Variants in CNKSR2 observed in about 807,000 individuals in gnomAD.
The protein encoded by CNKSR2 is CNK homolog protein 2.
In CNKSR2, 14 loss-of-function variants were observed where a neutral mutation model predicts 84.4. The ratio of observed to expected loss-of-function variants is 0.17; its 90% CI spans 0.11 to 0.26. CNKSR2 has a LOEUF of 0.26. CNKSR2 is among the 10% of genes least tolerant of loss of function. The pLI is 1.00. For missense variants in CNKSR2, 485 were observed against 771.2 expected, an observed-to-expected ratio of 0.63 and a Z score of 4.40; for synonymous variants, 275 against 277.9, an observed-to-expected ratio of 0.99 and a Z score of 0.10.
At chrX:21,618,469 C>G (rs1049019358) in intron 20 of CNKSR2, among the ~76,000 whole-genome samples, 1 of 111,926 alleles carries the variant, frequency 8.9e-6, no homozygotes, top group African/African-American at 3.2e-5. Flanking sequence ...TACTTGAAAA[C>G]TTAGAGCAGC....
chrX:21,632,397 T>A (rs2147322264), intron 20 of CNKSR2, among the ~76,000 whole-genome samples: 1 of 111,951 alleles, frequency 8.9e-6, no homozygotes, highest in Non-Finnish European at 1.9e-5. Context: ...AGGCCTTTTT[T>A]AAAGTATATT....
At chrX:21,646,303 T>A (rs1197136645) in intron 20 of CNKSR2, among the ~76,000 whole-genome samples, 2 of 112,055 alleles carry the variant, frequency 1.8e-5, no homozygotes, top group Non-Finnish European at 3.8e-5. Flanking sequence ...AACCAGATTC[T>A]TTGTAGAATT....
intron 10 of CNKSR2, among the ~76,000 whole-genome samples, chrX:21,528,621 A>G (rs2091857436): frequency 9.0e-6 from 1 of 111,183 alleles, no homozygotes; most frequent in South Asian, 3.7e-4. Context: ...TGAAGATGCT[A>G]TTTAAAAATA....
At chrX:21,509,407 T>C (rs955524805) in intron 8 of CNKSR2, among the ~76,000 whole-genome samples, 1 of 112,038 alleles carries the variant, frequency 8.9e-6, no homozygotes, top group Non-Finnish European at 1.9e-5. Context: ...TTTCAAATGT[T>C]TGTTCCTTTT....
intron 4 of CNKSR2, among the ~76,000 whole-genome samples, chrX:21,450,696 C>G (rs958432041): frequency 9.0e-6 from 1 of 111,268 alleles, no homozygotes; most frequent in Non-Finnish European, 1.9e-5. Context: ...AAAATGCCTC[C>G]CATTGCTTAG....
intron 20 of CNKSR2, among the ~76,000 whole-genome samples, chrX:21,618,289 G>A (rs571935531): frequency 4.5e-5 from 5 of 111,129 alleles, no homozygotes; most frequent in African/African-American, 1.3e-4. Flanking sequence ...CGTGCCGTAG[G>A]TACATCTTGG....
intron 8 of CNKSR2, among the ~76,000 whole-genome samples, chrX:21,507,729 A>G (rs888432980): frequency 9.0e-6 from 1 of 111,675 alleles, no homozygotes; most frequent in Non-Finnish European, 1.9e-5. Context: ...TACTTTTTGA[A>G]TACTAGGGTT....
intron 9 of CNKSR2, among the ~76,000 whole-genome samples, chrX:21,517,980 A>C (rs968719765): frequency 2.7e-5 from 3 of 112,243 alleles, no homozygotes; most frequent in African/African-American, 9.7e-5. Flanking sequence ...ACTTAATATA[A>C]AAACACATAT....
At chrX:21,608,714 G>C (rs1488267678) in intron 19 of CNKSR2, among the ~76,000 whole-genome samples, 1 of 111,835 alleles carries the variant, frequency 8.9e-6, no homozygotes, top group Non-Finnish European at 1.9e-5. Flanking sequence ...TGAATCCAGG[G>C]ACAATACTTC....
intron 11 of CNKSR2, chrX:21,538,956 TTC>T (rs1298399474): frequency 2.7e-5 from 3 of 112,069 alleles, no homozygotes; most frequent in Non-Finnish European, 5.6e-5. Context: ...AGGGTGGGTC[TTC>T]TTCTCCCAGT....
chrX:21,490,350 C>G, intron 5 of CNKSR2, 109 bp from the exon 6 acceptor site: 1 of 778,831 alleles, frequency 1.3e-6, no homozygotes, highest in South Asian at 3.1e-5. Context: ...ATGCCAGTTA[C>G]TTTCTTCTAC....
intron 13 of CNKSR2, among the ~76,000 whole-genome samples, chrX:21,582,274 T>C (rs1048910614): frequency 2.7e-5 from 3 of 112,182 alleles, no homozygotes; most frequent in Admixed American, 1.9e-4. Context: ...AAATTAGAGA[T>C]TGATGAGATG....
At chrX:21,539,703 G>A in intron 11 of CNKSR2, among the ~76,000 whole-genome samples, 1 of 111,235 alleles carries the variant, frequency 9.0e-6, no homozygotes, top group South Asian at 3.7e-4. Flanking sequence ...ATTGGGTAGG[G>A]TGCTTTGTTT....
chrX:21,437,542 C>A (rs1451717506), intron 3 of CNKSR2, among the ~76,000 whole-genome samples: 1 of 105,971 alleles, frequency 9.4e-6, no homozygotes, highest in African/African-American at 3.5e-5. Flanking sequence ...GCCTCAGTCT[C>A]CTGAGTAGCT....
In CNKSR2 at chrX:21,606,839, G is replaced by C. The variant is rs745981360; in HGVS notation, c.2105G>C (p.Ser702Thr). ...ADTPSTPKQD[S>T]PPPPYDTYPR... is the part of the protein sequence containing the mutation. ...ACTCCATCAACACCAAAACAAGATA[G>C]CCCTCCACCCCCATATGATACATAC... Residue 702 changes from serine (S) to threonine (T), a missense_variant, in exon 19 of 22, where the codon AGC (serine) becomes ACC (threonine). Physicochemically the swap from Ser to Thr is moderately conservative, Grantham distance 58 (BLOSUM62 1). Around this residue, in one of 5 missense-constraint regions of CNKSR2, gnomAD observed 210 missense variants for 291.5 expected, o/e 0.72. Transcript: ENST00000379510. 8.3e-7 allele frequency: 1 copy of C among 1,198,341 alleles called. No homozygotes were observed. Among genetic ancestry groups the C allele is most frequent in the East Asian group, 3.0e-5 (1 of 33,568 alleles).
At chrX:21,380,114 C>A (rs1248328291) in intron 1 of CNKSR2, among the ~76,000 whole-genome samples, 1 of 111,293 alleles carries the variant, frequency 9.0e-6, no homozygotes, top group Non-Finnish European at 1.9e-5. Flanking sequence ...ATCTGCATTT[C>A]ACAAAGACAA....
chrX:21,421,531 G>A (rs1208836208), intron 1 of CNKSR2, among the ~76,000 whole-genome samples: 1 of 110,237 alleles, frequency 9.1e-6, no homozygotes, highest in Admixed American at 9.6e-5. Context: ...GGACACTTGG[G>A]TTGCTTCCAC....
intron 9 of CNKSR2, among the ~76,000 whole-genome samples, chrX:21,517,827 T>G (rs1256383623): frequency 8.9e-6 from 1 of 111,824 alleles, no homozygotes; most frequent in African/African-American, 3.2e-5. Context: ...TAAATTGTTA[T>G]TAAGCTCTAT....
At chrX:21,598,526 A>G (rs965577422) in intron 17 of CNKSR2, among the ~76,000 whole-genome samples, 1 of 111,924 alleles carries the variant, frequency 8.9e-6, no homozygotes, top group African/African-American at 3.2e-5. Flanking sequence ...AGCATTGGTG[A>G]TATGGTAAGG....
Sources: gnomAD v4.1 joint callset for allele counts (sites outside exome capture counted in the v4.1 genomes callset) on GRCh38, gnomAD v4.1.1 for gene constraint, gnomAD v4.1.1 regional missense constraint, MANE v1.5 for transcripts, NCBI Gene and HGNC (gene_info 2026-07-23, HGNC 2026-07-21) for gene names.